The following STYX variants were observed in gnomAD, a reference collection of about 807,000 sequenced individuals.
STYX encodes the protein serine/threonine/tyrosine interacting protein, also known as serine/threonine/tyrosine-interacting protein.
Under a neutral mutation model 42.7 loss-of-function variants are expected in STYX, and 20 were observed. The ratio of observed to expected loss-of-function variants is 0.47; its 90% CI spans 0.33 to 0.68. STYX has a LOEUF of 0.68. Ranked by LOEUF, STYX falls within the 30% of genes least tolerant of loss-of-function variation. The pLI, the probability that STYX is intolerant of heterozygous loss-of-function variation, is 0.02. For synonymous variants in STYX, 78 were observed against 81.9 expected (o/e 0.95, Z 0.26); for missense variants, 226 against 268.5 (o/e 0.84, Z 1.11).
At chr14:52,736,108 A>AC (rs1457371721) in intron 1 of STYX, among the ~76,000 whole-genome samples, 10 of 151,296 alleles carry the variant, frequency 6.6e-5, no homozygotes, top group African/African-American at 1.7e-4. Flanking sequence ...TTTAATTTCC[A>AC]CCCCCCGCCT....
intron 10 of STYX, among the ~76,000 whole-genome samples, chr14:52,770,069 G>A (rs554909873): frequency 6.6e-6 from 1 of 152,088 alleles, no homozygotes; most frequent in Non-Finnish European, 1.5e-5. Flanking sequence ...TGGTTCATAT[G>A]TCATCTCCTC....
At chr14:52,752,226 T>G (rs965882310) in intron 4 of STYX, among the ~76,000 whole-genome samples, 10 of 151,426 alleles carry the variant, frequency 6.6e-5, no homozygotes, top group Middle Eastern at 3.4e-3. Context: ...CCCAGTACTT[T>G]GGGAGGCTGA....
Position 52,771,094 on chromosome 14 carries a change from A to C in STYX, c.660A>C (p.Ala220=), listed in dbSNP as rs1335923560. The C allele has an allele frequency of 8.1e-6, 13 of 1,610,216 alleles. No homozygotes were observed. In the East Asian group the frequency reaches 2.9e-4, roughly 36 times the overall value. ...TTGGAACCATGCAAGTGGCGACTGC[A>C]CAGAATGGCTGACTTGAAGAGCAAC... The part of the protein sequence containing the change: ...DDFGTMQVAT[A]QNG Residue 220 remains alanine (A), a synonymous_variant, in exon 11 of 11, where the codon GCA becomes GCC. Transcript: ENST00000354586.
chr14:52,753,825 G>GT (rs937275709), intron 4 of STYX, among the ~76,000 whole-genome samples: 45 of 112,630 alleles, frequency 4.0e-4, no homozygotes, highest in African/African-American at 7.4e-4. Context: ...CTTTTGTAGT[G>GT]TTTTTTTTTT....
intron 9 of STYX, among the ~76,000 whole-genome samples, chr14:52,766,939 G>A (rs1325378996): frequency 6.6e-6 from 1 of 151,570 alleles, no homozygotes; most frequent in Non-Finnish European, 1.5e-5. Context: ...TTTTAGTTAG[G>A]CACTGACAGT....
At chr14:52,732,049 A>G (rs1594860049) in intron 1 of STYX, among the ~76,000 whole-genome samples, 1 of 145,724 alleles carries the variant, frequency 6.9e-6, no homozygotes, top group Non-Finnish European at 1.5e-5. Flanking sequence ...TGTTGGGATT[A>G]CAGGTGTGAG....
chr14:52,744,112 C>T (rs1881306087), intron 1 of STYX, among the ~76,000 whole-genome samples: 1 of 152,230 alleles, frequency 6.6e-6, no homozygotes, highest in South Asian at 2.1e-4. Flanking sequence ...ACATGAGCCA[C>T]AGAGCCTGGC....
At chr14:52,738,894 C>T (rs1881070312) in intron 1 of STYX, among the ~76,000 whole-genome samples, 1 of 152,068 alleles carries the variant, frequency 6.6e-6, no homozygotes, top group Non-Finnish European at 1.5e-5. Context: ...ATTTATCTTT[C>T]TCCAGAATTG....
intron 1 of STYX, among the ~76,000 whole-genome samples, chr14:52,743,351 G>A (rs946095696): frequency 6.6e-6 from 1 of 151,926 alleles, no homozygotes; most frequent in East Asian, 2.0e-4. Flanking sequence ...GGAGGCCGAG[G>A]CGGGCAGATC....
At chr14:52,744,278 G>T (rs571247805) in intron 1 of STYX, among the ~76,000 whole-genome samples, 48 of 152,202 alleles carry the variant, frequency 3.2e-4, no homozygotes, top group African/African-American at 1.1e-3. Flanking sequence ...CTTATGTTTT[G>T]TGATATGTGT....
intron 1 of STYX, among the ~76,000 whole-genome samples, chr14:52,741,230 A>ATATAT (rs570503762): frequency 7.1e-6 from 1 of 140,316 alleles, no homozygotes; most frequent in African/African-American, 2.7e-5. Flanking sequence ...ATATATATAT[A>ATATAT]TTTTTTTTTT....
At chr14:52,766,227 G>A (rs1324869534) in intron 9 of STYX, among the ~76,000 whole-genome samples, 1 of 151,992 alleles carries the variant, frequency 6.6e-6, no homozygotes, top group Non-Finnish European at 1.5e-5. Flanking sequence ...AGTGCAATGG[G>A]GCAATCTTGG....
intron 1 of STYX, among the ~76,000 whole-genome samples, chr14:52,738,685 T>C (rs1881060405): frequency 6.6e-6 from 1 of 152,202 alleles, no homozygotes; most frequent in African/African-American, 2.4e-5. Context: ...ACTTGCAAAG[T>C]AGCAAATGCA....
intron 2 of STYX, 129 bp from the exon 3 acceptor site, chr14:52,746,297 T>A: frequency 3.4e-6 from 2 of 591,224 alleles, no homozygotes; most frequent in Non-Finnish European, 5.6e-6. Context: ...ATTAAAAAAA[T>A]AGATAATAGT....
At chr14:52,735,298 G>A (rs1880905851) in intron 1 of STYX, among the ~76,000 whole-genome samples, 1 of 152,156 alleles carries the variant, frequency 6.6e-6, no homozygotes, top group Non-Finnish European at 1.5e-5. Context: ...TCCAGCTTCT[G>A]TGTTTGAAAT....
chr14:52,743,121 C>T (rs1288624196), intron 1 of STYX, among the ~76,000 whole-genome samples: 2 of 151,264 alleles, frequency 1.3e-5, no homozygotes, highest in Non-Finnish European at 2.9e-5. Flanking sequence ...ACTGTCATTA[C>T]TCGGGGTTTA....
In STYX at chr14:52,750,785, G is replaced by T; in HGVS notation, c.242+5G>T. ...AAACTTTCAGCAGTTATTTAGGTAA[G>T]AATTATTGCTATGATTTGTAAAACA... is the stretch of plus-strand genomic sequence containing the variant. On this transcript the variant is annotated splice_donor_5th_base_variant and intron_variant, in intron 4 of 10. Transcript: ENST00000354586. 1 of 1,517,920 alleles carries T rather than the reference G, an allele frequency of 6.6e-7. No homozygotes were observed. Among genetic ancestry groups the T allele is most frequent in the Non-Finnish European group, 9.0e-7 (1 of 1,113,084 alleles). 94.0% of individuals were successfully genotyped at this position (1,517,920 alleles called of 1,614,324 possible). A position where few individuals can be genotyped will look rare whatever the true frequency, so the allele number is the denominator to read the frequency against.
At chr14:52,765,810 A>G (rs970166389) in intron 9 of STYX, among the ~76,000 whole-genome samples, 1 of 151,760 alleles carries the variant, frequency 6.6e-6, no homozygotes, top group Non-Finnish European at 1.5e-5. Context: ...CTCCTGTGAG[A>G]CTCTAATGCT....
chr14:52,732,820 G>A (rs1724692050), intron 1 of STYX, among the ~76,000 whole-genome samples: 1 of 151,586 alleles, frequency 6.6e-6, no homozygotes, highest in Non-Finnish European at 1.5e-5. Flanking sequence ...ACAGGCGCCC[G>A]CCACCACTCC....
Sources: gnomAD v4.1 joint callset for allele counts (sites outside exome capture counted in the v4.1 genomes callset) on GRCh38, gnomAD v4.1.1 for gene constraint, MANE v1.5 for transcripts, NCBI Gene and HGNC (gene_info 2026-07-23, HGNC 2026-07-21) for gene names.